The following MMP26 variants were observed in gnomAD, a reference collection of about 807,000 sequenced individuals.
MMP26 encodes the protein matrix metallopeptidase 26, also known as matrix metalloproteinase-26.
A neutral mutation model predicts 31.0 loss-of-function variants in MMP26; 33 were observed. That is an observed-to-expected ratio of 1.06 (90% CI 0.81 to 1.42). The LOEUF (loss-of-function observed/expected upper bound fraction) is 1.42, where lower values mean the gene tolerates loss of function less well. Among genes scored for constraint, MMP26 ranks in the 40% most tolerant of loss-of-function variants. MMP26 has a pLI of 0.00. For missense variants in MMP26, 347 were observed against 316.1 expected (o/e 1.10, Z -0.74); for synonymous variants, 122 against 114.9 (o/e 1.06, Z -0.40).
intron 2 of MMP26, chr11:4,803,445 T>C (rs766799235): frequency 6.2e-7 from 1 of 1,603,316 alleles, no homozygotes; most frequent in South Asian, 1.1e-5. Flanking sequence ...AGGGGATGTT[T>C]CCACAACATC....
At chr11:4,753,736 T>G (rs980506015) in intron 1 of MMP26, among the ~76,000 whole-genome samples, 2 of 152,244 alleles carry the variant, frequency 1.3e-5, no homozygotes, top group African/African-American at 4.8e-5. Flanking sequence ...AGTAAGTACA[T>G]TTACCTAAGA....
chr11:4,977,230 T>C (rs1846750464), intron 2 of MMP26, among the ~76,000 whole-genome samples: 1 of 152,124 alleles, frequency 6.6e-6, no homozygotes, highest in Non-Finnish European at 1.5e-5. Context: ...CAGAAGTTTA[T>C]TGGGAGTGTT....
At chr11:4,819,393 G>A (rs183412959) in intron 2 of MMP26, among the ~76,000 whole-genome samples, 3 of 151,976 alleles carry the variant, frequency 2.0e-5, no homozygotes, top group East Asian at 3.9e-4. Context: ...AAGGTACCCG[G>A]GAGAGGGGGG....
intron 2 of MMP26, chr11:4,947,177 G>T: frequency 3.9e-6 from 4 of 1,013,608 alleles, no homozygotes; most frequent in African/African-American, 1.7e-5. Flanking sequence ...AAATTTAGTA[G>T]AAAAAAAGCA....
At chr11:4,812,569 C>T (rs140871479) in intron 2 of MMP26, among the ~76,000 whole-genome samples, 2 of 152,166 alleles carry the variant, frequency 1.3e-5, no homozygotes, top group African/African-American at 4.8e-5. Flanking sequence ...TCTTGTGAGG[C>T]TTTGATTAGG....
chr11:4,891,314 A>G (rs1850618392), intron 2 of MMP26, among the ~76,000 whole-genome samples: 1 of 152,086 alleles, frequency 6.6e-6, no homozygotes, highest in African/African-American at 2.4e-5. Flanking sequence ...TGAAGTAGAA[A>G]CAGGCATGTC....
At chr11:4,834,990 C>A (rs1022583408) in intron 2 of MMP26, among the ~76,000 whole-genome samples, 1 of 151,806 alleles carries the variant, frequency 6.6e-6, no homozygotes, top group South Asian at 2.1e-4. Context: ...GACCTATATT[C>A]CCCCATGGAA....
chr11:4,918,318 T>A (rs541887948), intron 2 of MMP26, among the ~76,000 whole-genome samples: 1 of 152,186 alleles, frequency 6.6e-6, no homozygotes, highest in African/African-American at 2.4e-5. Flanking sequence ...GAGGTTAAAT[T>A]AGAAAGATAT....
At chr11:4,921,652 G>T (rs1289646424) in intron 2 of MMP26, among the ~76,000 whole-genome samples, 1 of 152,088 alleles carries the variant, frequency 6.6e-6, no homozygotes, top group Non-Finnish European at 1.5e-5. Flanking sequence ...ATGTATATTT[G>T]TATGAATCTA....
At chr11:4,781,165 G>T (rs2133431886) in intron 2 of MMP26, among the ~76,000 whole-genome samples, 1 of 152,296 alleles carries the variant, frequency 6.6e-6, no homozygotes, top group Non-Finnish European at 1.5e-5. Flanking sequence ...TTTGACTAAT[G>T]AAAGTGTTAT....
chr11:4,775,242 A>C (rs189859186), intron 2 of MMP26, among the ~76,000 whole-genome samples: 12 of 152,242 alleles, frequency 7.9e-5, no homozygotes, highest in African/African-American at 2.4e-4. Flanking sequence ...CATGATATTG[A>C]TTCTTCCTAT....
intron 2 of MMP26, chr11:4,804,085 G>A (rs756226074): frequency 1.9e-6 from 3 of 1,614,092 alleles, no homozygotes; most frequent in Non-Finnish European, 1.7e-6. Flanking sequence ...GATGAGGCAG[G>A]CATGGTACTG....
chr11:4,747,159 G>A (rs766612847), intron 1 of MMP26, among the ~76,000 whole-genome samples: 13 of 152,116 alleles, frequency 8.5e-5, no homozygotes, highest in Non-Finnish European at 1.6e-4. Flanking sequence ...ATGTCTAAAC[G>A]AAGTAGCAGT....
intron 1 of MMP26, chr11:4,723,996 G>A: frequency 1.4e-6 from 1 of 713,216 alleles, no homozygotes; most frequent in Non-Finnish European, 2.5e-6. Flanking sequence ...TGCCTCCCAT[G>A]CCGCTGGACC....
At chr11:4,766,706 T>TCCCTCCCTCCCTCCCA (rs1848634319) in intron 1 of MMP26, among the ~76,000 whole-genome samples, 1 of 47,260 alleles carries the variant, frequency 2.1e-5, no homozygotes, top group Non-Finnish European at 4.2e-5. Context: ...CCTCCCTCCC[T>TCCCTCCCTCCCTCCCA]CCCTCCCTCC....
chr11:4,915,016 T>G, intron 2 of MMP26: 2 of 1,613,930 alleles, frequency 1.2e-6, no homozygotes, highest in East Asian at 2.2e-5. Context: ...GGATGAGCAG[T>G]GAGTCTATAC....
At chr11:4,740,248 T>A (rs1442943469) in intron 1 of MMP26, among the ~76,000 whole-genome samples, 5 of 152,046 alleles carry the variant, frequency 3.3e-5, no homozygotes, top group African/African-American at 4.8e-5. Flanking sequence ...AAAGTTACAA[T>A]AAAAAATAAT....
intron 1 of MMP26, among the ~76,000 whole-genome samples, chr11:4,742,714 C>T (rs1319594276): frequency 6.6e-6 from 1 of 151,964 alleles, no homozygotes; most frequent in African/African-American, 2.4e-5. Context: ...AACTTTGGAA[C>T]CAAAGGGCTA....
chr11:4,893,978 T>A (rs1196493254), intron 2 of MMP26, among the ~76,000 whole-genome samples: 1 of 151,942 alleles, frequency 6.6e-6, no homozygotes, highest in Non-Finnish European at 1.5e-5. Context: ...TTACAAAATA[T>A]TAAAAATATT....
Sources: gnomAD v4.1 joint callset for allele counts (sites outside exome capture counted in the v4.1 genomes callset) on GRCh38, gnomAD v4.1.1 for gene constraint, MANE v1.5 for transcripts, NCBI Gene and HGNC (gene_info 2026-07-23, HGNC 2026-07-21) for gene names.